Variants in INPP5J observed in about 807,000 individuals in gnomAD.
INPP5J encodes the protein phosphatidylinositol 4,5-bisphosphate 5-phosphatase A.
A neutral mutation model predicts 86.6 loss-of-function variants in INPP5J; 75 were observed. That is an observed-to-expected ratio of 0.87 (90% CI 0.72 to 1.05). The LOEUF (loss-of-function observed/expected upper bound fraction) is 1.05, where lower values mean the gene tolerates loss of function less well. Among genes scored for constraint, INPP5J ranks in the 50% least tolerant of loss-of-function variants. INPP5J has a pLI of 0.00. For missense variants in INPP5J, 1,229 were observed against 1,341.2 expected (o/e 0.92, Z 1.31); for synonymous variants, 540 against 550.0 (o/e 0.98, Z 0.25).
chr22:31,123,002 G>C lies in INPP5J; in HGVS notation c.-13G>C. On this transcript the variant is annotated 5_prime_UTR_variant, in exon 1 of 13. Transcript: ENST00000331075. Reference sequence around the variant, plus strand: ...CGGAGCCAAGGGAGTCCAGGCTGCCGGGGGCTGCAGACATGGAGGGCCAGA... The same window carrying C: ...CGGAGCCAAGGGAGTCCAGGCTGCCCGGGGCTGCAGACATGGAGGGCCAGA... 2 of 1,420,798 alleles carry C rather than the reference G, an allele frequency of 1.4e-6. No homozygotes were observed. Among genetic ancestry groups the C allele is most frequent in the Non-Finnish European group, 1.8e-6 (2 of 1,084,760 alleles). The allele number at this position is 1,420,798 out of a possible 1,614,324, so 88.0% of individuals were successfully genotyped here.
chr22:31,128,399 G>A, intron 8 of INPP5J, 72 bp from the exon 9 acceptor site: 1 of 1,578,778 alleles, frequency 6.3e-7, no homozygotes, highest in South Asian at 1.1e-5. Flanking sequence ...GGGAAGAGGG[G>A]CAGGAGGCAA....
At position 31,134,600 on chromosome 22, in the gene INPP5J, A is replaced by G. The variant is rs1275232694; in HGVS notation, c.*181A>G. ...TGGCACCTCAACTGTGACAATCAGC[A>G]AAGCCCCACCCAGGCCCCCATCTGG... On this transcript the variant is annotated 3_prime_UTR_variant, in exon 13 of 13. Coordinates refer to ENST00000331075, the MANE Select transcript of INPP5J (RefSeq NM_001284285.2). 1.9e-6 allele frequency: 1 copy of G among 523,140 alleles called. No individual in the cohort carries two copies. Among genetic ancestry groups the G allele is most frequent in the Non-Finnish European group, 3.1e-6 (1 of 320,152 alleles). 32.4% of individuals were successfully genotyped at this position (523,140 alleles called of 1,614,324 possible).
At chr22:31,133,855 C>T in intron 12 of INPP5J, 58 bp from the exon 13 acceptor site, 15 of 1,599,182 alleles carry the variant, frequency 9.4e-6, no homozygotes, top group Non-Finnish European at 1.2e-5. Context: ...CTCGGGAGGT[C>T]AGGCCTCAGT....
intron 9 of INPP5J, among the ~76,000 whole-genome samples, chr22:31,129,460 G>C (rs182682725): frequency 6.8e-6 from 1 of 147,216 alleles, no homozygotes; most frequent in Non-Finnish European, 1.5e-5. Context: ...GGCTGGTCTT[G>C]AACTGCTGAC....
intron 1 of INPP5J, 71 bp downstream of exon 1, chr22:31,123,190 T>G: frequency 1.1e-6 from 1 of 916,452 alleles, no homozygotes; most frequent in African/African-American, 1.8e-5. Context: ...CCACATACAC[T>G]GCAGGCTCCC....
Position 31,128,530 on chromosome 22 carries a change from G to A in INPP5J, c.2069G>A (p.Gly690Asp), listed in dbSNP as rs770278614. ...DRILWKVKAPGGGPSPSGRKS... is the reference protein window; with the variant it reads ...DRILWKVKAPDGGPSPSGRKS... ...ATCCTATGGAAGGTCAAGGCTCCAG[G>A]TGGGGGTCCCAGCCCCTCAGGACGG... is the stretch of plus-strand genomic sequence containing the variant. Residue 690 changes from glycine (G) to aspartate (D), a missense_variant, in exon 9 of 13, where the codon GGT becomes GAT. Coordinates refer to ENST00000331075, the MANE Select transcript of INPP5J (RefSeq NM_001284285.2). The A allele has an allele frequency of 1.9e-6, 3 of 1,613,514 alleles. No individual in the cohort carries two copies. Among genetic ancestry groups the A allele is most frequent in the Non-Finnish European group, 2.5e-6 (3 of 1,179,890 alleles).
rs1009967726 is a variant in INPP5J, at chr22:31,125,976, G to A, written c.1237G>A (p.Ala413Thr). ...CACCCTGTCATCCTCCCCTTGGTCA[G>A]CTCAGCCTACCTGGAAGAGCGACCC... ...TSTLSSSPWSAQPTWKSDPGF... is the reference protein window; with the variant it reads ...TSTLSSSPWSTQPTWKSDPGF... Residue 413 changes from alanine to threonine, a missense_variant, in exon 2 of 13, where the codon GCT (alanine) becomes ACT (threonine). Transcript: ENST00000331075. 5.0e-6 allele frequency: 8 copies of A among 1,593,530 alleles called. No homozygotes were observed. The African/African-American group carries it at 9.4e-5, about 19-fold the overall frequency.
At position 31,123,068 on chromosome 22, in the gene INPP5J, G is replaced by T; in HGVS notation, c.54G>T (p.Leu18=). The change falls in exon 1 of 13, where the codon CTG becomes CTT. Residue 18 remains leucine, a synonymous_variant. Coordinates refer to ENST00000331075, the MANE Select transcript of INPP5J (RefSeq NM_001284285.2). ...GSRRPGTRAG[L]GSLPMPQGVA... Reference sequence around the variant, plus strand: ...GGAGGCCAGGGACCCGGGCTGGCCTGGGTTCCCTGCCCATGCCCCAGGGTG... The same window carrying T: ...GGAGGCCAGGGACCCGGGCTGGCCTTGGTTCCCTGCCCATGCCCCAGGGTG... The T allele has an allele frequency of 6.7e-7, 1 of 1,485,250 alleles. No homozygotes were observed. Among genetic ancestry groups the T allele is most frequent in the South Asian group, 1.3e-5 (1 of 75,532 alleles). The allele number at this position is 1,485,250 out of a possible 1,614,324, so 92.0% of individuals were successfully genotyped here. A position where few individuals can be genotyped will look rare whatever the true frequency, so the allele number is the denominator to read the frequency against.
At position 31,134,548 on chromosome 22, in the gene INPP5J, C is replaced by A; in HGVS notation, c.*129C>A. ...CCTCTCTGTCCTGGCCAGGGGTGGACAACTGGGGTCCCCCAAAACTCAGTC... is the reference window on the plus strand; with the variant it reads ...CCTCTCTGTCCTGGCCAGGGGTGGAAAACTGGGGTCCCCCAAAACTCAGTC... On this transcript the variant is annotated 3_prime_UTR_variant, in exon 13 of 13. Transcript: ENST00000331075. 5.0e-6 allele frequency: 5 copies of A among 992,608 alleles called. No homozygotes were observed. Among genetic ancestry groups the A allele is most frequent in the Non-Finnish European group, 6.9e-6 (5 of 728,932 alleles). The allele number at this position is 992,608 out of a possible 1,614,324, so 61.5% of individuals were successfully genotyped here. A position where few individuals can be genotyped will look rare whatever the true frequency, so the allele number is the denominator to read the frequency against.
intron 10 of INPP5J, 49 bp downstream of exon 10, chr22:31,133,284 A>G (rs1422202756): frequency 1.9e-6 from 3 of 1,602,638 alleles, no homozygotes; most frequent in Non-Finnish European, 2.6e-6. Flanking sequence ...AGGGGCCTGG[A>G]GGAGCAGCTG....
rs781009829 is a variant in INPP5J at position 31,133,696 on chromosome 22, C to T, written c.2496C>T (p.Gly832=). The T allele has an allele frequency of 6.2e-7, 1 of 1,612,840 alleles. No individual in the cohort carries two copies. The highest frequency in any genetic ancestry group is 8.5e-7 in the Non-Finnish European group (1 of 1,179,316). ...GTCACAACCACAGCATCCTCATCGG[C>T]ATCACTGAACCCTTCCAGGTAAGTA... ...YYSHNHSILI[G]ITEPFQISLP... Residue 832 remains glycine (G), a synonymous_variant, in exon 12 of 13, where the codon GGC becomes GGT. Coordinates refer to ENST00000331075, the MANE Select transcript of INPP5J (RefSeq NM_001284285.2).
intron 9 of INPP5J, among the ~76,000 whole-genome samples, chr22:31,132,559 G>A (rs539637330): frequency 1.3e-5 from 2 of 152,160 alleles, no homozygotes; most frequent in South Asian, 4.2e-4. Context: ...GGCCAACATG[G>A]TGAAACGCTG....
intron 9 of INPP5J, among the ~76,000 whole-genome samples, chr22:31,129,542 C>A (rs1401640323): frequency 1.0e-5 from 1 of 96,322 alleles, no homozygotes; most frequent in Admixed American, 1.3e-4. Context: ...GCCCGGCGCC[C>A]TTTTTTTTTT....
intron 1 of INPP5J, among the ~76,000 whole-genome samples, chr22:31,123,501 G>A (rs1921057360): frequency 6.6e-6 from 1 of 152,182 alleles, no homozygotes; most frequent in African/African-American, 2.4e-5. Context: ...AGTACTGGAG[G>A]CGGTGTGATA....
rs1341241256 is a variant in INPP5J, at chr22:31,128,223, G to A, written c.1909G>A (p.Ala637Thr). 3 of 1,594,138 alleles carry A rather than the reference G, an allele frequency of 1.9e-6. No individual in the cohort carries two copies. Among genetic ancestry groups the A allele is most frequent in the Non-Finnish European group, 2.6e-6 (3 of 1,170,284 alleles). The change falls in exon 8 of 13, where the codon GCC (alanine) becomes ACC (threonine). Residue 637 changes from alanine (A) to threonine (T), a missense_variant. Ala to Thr is a moderately conservative substitution (Grantham distance 58). Transcript: ENST00000331075. ...CCTGGACCCCCCACAGCTCAACATG[G>A]CCAAGAACACCTGGCCCATTCTGAA... ...QLWEKDQLNM[A>T]KNTWPILKGF...
rs1921388870 is a variant in INPP5J, at chr22:31,126,083, G to A, written c.1271+73G>A. 3.7e-6 allele frequency: 5 copies of A among 1,336,414 alleles called. No homozygotes were observed. The South Asian group carries it at 5.9e-5, about 16-fold the overall frequency. The allele number at this position is 1,336,414 out of a possible 1,614,324, so 82.8% of individuals were successfully genotyped here. The stretch of plus-strand genomic sequence containing the variant: ...GTTAGCCATTCTTCCAGGGTGGATG[G>A]TGTGCTCTACCTCAGCTTCTCTCTC... On this transcript the variant is annotated intron_variant, in intron 2 of 12. Coordinates refer to ENST00000331075, the MANE Select transcript of INPP5J (RefSeq NM_001284285.2).
Position 31,134,400 on chromosome 22 carries a change from A to G in INPP5J, c.3002A>G (p.Glu1001Gly). The G allele has an allele frequency of 6.8e-7, 1 of 1,468,020 alleles. No homozygotes were observed. The allele number at this position is 1,468,020 out of a possible 1,614,324, so 90.9% of individuals were successfully genotyped here. Residue 1001 changes from glutamate (E) to glycine (G), a missense_variant, in exon 13 of 13, where the codon GAA becomes GGA. Transcript: ENST00000331075. ...PSPQGHRGLE[E>G]GGLGP ...CCCCAGGGCCATCGGGGGCTGGAGG[A>G]AGGGGGCCTGGGGCCCTGAGGGTGG...
At position 31,132,646 on chromosome 22, in the gene INPP5J, G is replaced by A. The variant is rs375433369; in HGVS notation, c.2194-452G>A. On this transcript the variant is annotated intron_variant, in intron 9 of 12. Transcript: ENST00000331075. ...CTCAGCTACTGGGGAGGCTGAGACA[G>A]GAGAATCACTTGAACCCGGGAGGTG... Among the ~76,000 whole-genome samples the A allele has an allele frequency of 2.6e-5, 4 of 152,104 alleles. No individual in the cohort carries two copies. In the East Asian group the frequency reaches 7.7e-4, roughly 29 times the overall value.
intron 9 of INPP5J, among the ~76,000 whole-genome samples, chr22:31,132,234 C>T (rs1226917263): frequency 6.6e-6 from 1 of 152,196 alleles, no homozygotes; most frequent in Non-Finnish European, 1.5e-5. Context: ...GGACTGAGGT[C>T]TCCATCCTCC....
Sources: allele counts gnomAD v4.1 joint callset (sites outside exome capture counted in the v4.1 genomes callset), GRCh38; gene constraint gnomAD v4.1.1; transcripts MANE v1.5; gene names NCBI Gene and HGNC (gene_info 2026-07-23, HGNC 2026-07-21).